EHBP1: variants seen among roughly 807,000 people sequenced by gnomAD.
The protein encoded by EHBP1 is EH domain-binding protein 1.
A neutral mutation model predicts 144.0 loss-of-function variants in EHBP1; 55 were observed. That is an observed-to-expected ratio of 0.38 (90% CI 0.31 to 0.48). EHBP1 has a LOEUF of 0.48. EHBP1 is among the 20% of genes least tolerant of loss of function. The pLI, the probability that EHBP1 is intolerant of heterozygous loss-of-function variation, is 0.98. For synonymous variants in EHBP1, 469 were observed against 472.7 expected, an observed-to-expected ratio of 0.99 and a Z score of 0.10; for missense variants, 1,200 against 1,364.2, an observed-to-expected ratio of 0.88 and a Z score of 1.90.
chr2:62,684,958 C>T (rs912861364), intron 1 of EHBP1, among the ~76,000 whole-genome samples: 2 of 152,070 alleles, frequency 1.3e-5, no homozygotes, highest in Non-Finnish European at 2.9e-5. Context: ...TATGTGGAAT[C>T]CAACACAGTT....
chr2:62,779,034 A>G (rs929063541), intron 5 of EHBP1, among the ~76,000 whole-genome samples: 8 of 152,202 alleles, frequency 5.3e-5, no homozygotes, highest in African/African-American at 1.9e-4. Flanking sequence ...AGGTCTAAAG[A>G]GTGTCTAGTG....
chr2:63,039,417 A>G (rs1417781254), intron 21 of EHBP1, among the ~76,000 whole-genome samples: 13 of 152,260 alleles, frequency 8.5e-5, no homozygotes, highest in East Asian at 3.9e-4. Flanking sequence ...GGCATTTACT[A>G]TATATGATTT....
At chr2:62,794,604 C>G (rs2043406857) in intron 5 of EHBP1, among the ~76,000 whole-genome samples, 1 of 151,844 alleles carries the variant, frequency 6.6e-6, no homozygotes, top group African/African-American at 2.4e-5. Flanking sequence ...ACTTTTTATT[C>G]TGATTGCTCA....
At chr2:62,770,108 G>T (rs761394317) in intron 4 of EHBP1, among the ~76,000 whole-genome samples, 24 of 152,086 alleles carry the variant, frequency 1.6e-4, no homozygotes, top group Admixed American at 1.4e-3. Flanking sequence ...CATAGGAACT[G>T]GCAAAGATTT....
At chr2:62,739,841 C>A (rs1236581523) in intron 2 of EHBP1, among the ~76,000 whole-genome samples, 1 of 149,818 alleles carries the variant, frequency 6.7e-6, no homozygotes, top group Non-Finnish European at 1.5e-5. Flanking sequence ...GAGGCTGAAG[C>A]AGGAGGATTG....
chr2:62,922,766 A>G (rs1026206054), intron 10 of EHBP1, among the ~76,000 whole-genome samples: 1 of 152,194 alleles, frequency 6.6e-6, no homozygotes, highest in African/African-American at 2.4e-5. Context: ...GGAGGGCAGC[A>G]TGAAGGCAGC....
At chr2:62,913,294 TA>T (rs1379166440) in intron 10 of EHBP1, among the ~76,000 whole-genome samples, 2 of 152,222 alleles carry the variant, frequency 1.3e-5, no homozygotes, top group East Asian at 3.8e-4. Flanking sequence ...AATGATCTTT[TA>T]AAGGCCCTTC....
intron 19 of EHBP1, among the ~76,000 whole-genome samples, chr2:63,006,659 T>A (rs1009523854): frequency 2.0e-5 from 3 of 151,846 alleles, no homozygotes; most frequent in Non-Finnish European, 2.9e-5. Context: ...AGAGTGGAGA[T>A]TTTCTTAAAA....
At chr2:62,808,457 G>A (rs573851462) in intron 5 of EHBP1, among the ~76,000 whole-genome samples, 1 of 152,130 alleles carries the variant, frequency 6.6e-6, no homozygotes, top group East Asian at 1.9e-4. Context: ...TGTTTTTATG[G>A]TGTTTTTGAT....
chr2:62,832,051 G>T (rs914299833), intron 7 of EHBP1, among the ~76,000 whole-genome samples: 4 of 152,142 alleles, frequency 2.6e-5, no homozygotes, highest in African/African-American at 9.7e-5. Flanking sequence ...ATAAGGAACT[G>T]CTCAGACTTG....
At chr2:62,925,505 A>G (rs2055432776) in intron 10 of EHBP1, among the ~76,000 whole-genome samples, 1 of 152,134 alleles carries the variant, frequency 6.6e-6, no homozygotes, top group African/African-American at 2.4e-5. Context: ...TGTTATTATT[A>G]AAAAAAGACA....
At chr2:62,868,414 A>G (rs548721336) in intron 9 of EHBP1, among the ~76,000 whole-genome samples, 1 of 152,172 alleles carries the variant, frequency 6.6e-6, no homozygotes, top group Non-Finnish European at 1.5e-5. Flanking sequence ...AGAAGAGGAC[A>G]TAGGAAAAAG....
chr2:62,984,719 A>T (rs2059116832), intron 15 of EHBP1, among the ~76,000 whole-genome samples: 1 of 152,208 alleles, frequency 6.6e-6, no homozygotes, highest in African/African-American at 2.4e-5. Context: ...TGAGCTGTAT[A>T]GATCACTTTT....
chr2:62,831,177 A>T lies in EHBP1; in HGVS notation c.634+19A>T, dbSNP rs1215083464. On this transcript the variant is annotated intron_variant, in intron 7 of 22. Transcript: ENST00000431489. ...ATTACAGGTTGGTTTTATTAGCATT[A>T]AACTAAAAGTTTATCTTTTGTTGCA... The T allele has an allele frequency of 6.4e-7, 1 of 1,573,572 alleles. No individual in the cohort carries two copies.
intron 5 of EHBP1, among the ~76,000 whole-genome samples, chr2:62,819,019 A>G (rs932353635): frequency 3.3e-5 from 5 of 152,204 alleles, no homozygotes; most frequent in Admixed American, 1.3e-4. Flanking sequence ...GCCGCAGCTC[A>G]TTTTATGAGG....
intron 10 of EHBP1, among the ~76,000 whole-genome samples, chr2:62,921,720 T>C (rs1023254083): frequency 1.3e-5 from 2 of 152,150 alleles, no homozygotes; most frequent in Admixed American, 6.5e-5. Context: ...CCCCATGCAG[T>C]TGAAAATTTG....
At chr2:62,757,394 A>G (rs62179279) in intron 3 of EHBP1, among the ~76,000 whole-genome samples, 306 of 144,828 alleles carry the variant, frequency 2.1e-3, no homozygotes, top group Admixed American at 4.4e-3. Flanking sequence ...TTTGAACTAC[A>G]TGATAATCAT....
chr2:62,898,654 A>G (rs2053144306), intron 10 of EHBP1, among the ~76,000 whole-genome samples: 1 of 152,026 alleles, frequency 6.6e-6, no homozygotes, highest in Admixed American at 6.6e-5. Flanking sequence ...TTATTTCTAT[A>G]TCCTTAGAGC....
At chr2:62,722,191 G>A (rs754514138) in intron 2 of EHBP1, among the ~76,000 whole-genome samples, 26 of 151,672 alleles carry the variant, frequency 1.7e-4, no homozygotes, top group African/African-American at 5.8e-4. Flanking sequence ...GTGCAGTGGC[G>A]TGTGATCTTG....
Sources: gnomAD v4.1 joint callset for allele counts (sites outside exome capture counted in the v4.1 genomes callset) on GRCh38, gnomAD v4.1.1 for gene constraint, MANE v1.5 for transcripts, NCBI Gene and HGNC (gene_info 2026-07-23, HGNC 2026-07-21) for gene names.